The following PTPRN2 variants were observed in gnomAD, a reference collection of about 807,000 sequenced individuals.
The protein encoded by PTPRN2 is receptor-type tyrosine-protein phosphatase N2.
Under a neutral mutation model 118.8 loss-of-function variants are expected in PTPRN2, and 74 were observed. That is an observed-to-expected ratio of 0.62 (90% CI 0.52 to 0.76). PTPRN2 has a LOEUF of 0.76. Among genes scored for constraint, PTPRN2 ranks in the 30% least tolerant of loss-of-function variants. The pLI, the probability that PTPRN2 is intolerant of heterozygous loss-of-function variation, is 0.00. For synonymous variants in PTPRN2, 641 were observed against 608.0 expected (o/e 1.05, Z -0.80); for missense variants, 1,481 against 1,394.4 (o/e 1.06, Z -0.99).
At position 158,431,440 on chromosome 7, in the gene PTPRN2, A is replaced by T. The variant is rs1345352994; in HGVS notation, c.163+58295T>A. Among the ~76,000 whole-genome samples, 3 of 126,096 alleles carry T rather than the reference A, an allele frequency of 2.4e-5. No homozygotes were observed. In the East Asian group the frequency reaches 7.4e-4, roughly 31 times the overall value. 82.7% of individuals were successfully genotyped at this position (126,096 alleles called of 152,430 possible). ...CTGGGCACACTGGCTCACACCAGGC[A>T]CACACTGCCTCACACGACACACACT... On this transcript the variant is annotated intron_variant, in intron 2 of 22. Coordinates refer to ENST00000389418, the MANE Select transcript of PTPRN2 (RefSeq NM_002847.5).
intron 21 of PTPRN2, among the ~76,000 whole-genome samples, chr7:157,561,487 G>A (rs553329633): frequency 1.4e-4 from 22 of 152,360 alleles, no homozygotes; most frequent in South Asian, 1.2e-3. Flanking sequence ...GCCTCTGAGC[G>A]CCGTCCCTGG....
rs1044138043 is a variant in PTPRN2 at position 158,484,552 on chromosome 7, G to A, written c.163+5183C>T. Reference sequence around the variant, plus strand: ...TAATTTTTGTATTTTTAGTGGAGACGGGGTTTCACCATGTTGGCCAGGCTG... The same window carrying A: ...TAATTTTTGTATTTTTAGTGGAGACAGGGTTTCACCATGTTGGCCAGGCTG... On this transcript the variant is annotated intron_variant, in intron 2 of 22. Transcript: ENST00000389418. Among the ~76,000 whole-genome samples the A allele has an allele frequency of 3.3e-5, 5 of 152,244 alleles. No homozygotes were observed. In the East Asian group the frequency reaches 9.7e-4, roughly 29 times the overall value.
chr7:158,159,306 G>T (rs1270500264), intron 6 of PTPRN2, among the ~76,000 whole-genome samples: 2 of 152,256 alleles, frequency 1.3e-5, no homozygotes, highest in Non-Finnish European at 2.9e-5. Context: ...GCTTCCACAT[G>T]AGTTTCCGAG....
chr7:158,070,434 TG>T (rs1811169623), intron 11 of PTPRN2, among the ~76,000 whole-genome samples: 1 of 133,850 alleles, frequency 7.5e-6, no homozygotes, highest in Non-Finnish European at 1.5e-5. Context: ...GTGCTCGTGG[TG>T]GTGGAGGTGC....
intron 21 of PTPRN2, among the ~76,000 whole-genome samples, chr7:157,567,335 A>T (rs903052613): frequency 6.6e-6 from 1 of 152,248 alleles, no homozygotes; most frequent in Non-Finnish European, 1.5e-5. Context: ...TGGGTGTTTA[A>T]AATGACATTT....
At chr7:158,206,626 T>C in intron 3 of PTPRN2, among the ~76,000 whole-genome samples, 1 of 151,986 alleles carries the variant, frequency 6.6e-6, no homozygotes, top group East Asian at 1.9e-4. Flanking sequence ...AGAAAAAAAG[T>C]CTGCCTGGTA....
chr7:158,394,969 A>C (rs369877838), intron 2 of PTPRN2, among the ~76,000 whole-genome samples: 4 of 152,240 alleles, frequency 2.6e-5, no homozygotes, highest in Middle Eastern at 3.4e-3. Flanking sequence ...CCCAGCCAGC[A>C]CTCAGGAGGC....
chr7:158,085,378 ACATG>A (rs1288727110), intron 10 of PTPRN2, among the ~76,000 whole-genome samples: 1 of 89,896 alleles, frequency 1.1e-5, no homozygotes, highest in East Asian at 4.0e-4. Context: ...GCCCATCCAC[ACATG>A]CCCATCCACA....
intron 2 of PTPRN2, among the ~76,000 whole-genome samples, chr7:158,378,414 C>T (rs924330032): frequency 6.6e-6 from 1 of 152,186 alleles, no homozygotes; most frequent in Admixed American, 6.5e-5. Context: ...CACAGAAACA[C>T]AGCAATGGTT....
At chr7:158,458,764 C>T (rs998163559) in intron 2 of PTPRN2, among the ~76,000 whole-genome samples, 9 of 152,182 alleles carry the variant, frequency 5.9e-5, no homozygotes, top group Non-Finnish European at 4.4e-5. Context: ...GGGCGGGCTC[C>T]ACGCTGCCTA....
rs914803189 is a variant in PTPRN2, at chr7:157,784,145, G to C, written c.1789-101208C>G. 6.6e-6 allele frequency among the ~76,000 whole-genome samples: 1 copy of C among 152,172 alleles called. No individual in the cohort carries two copies. Among genetic ancestry groups the C allele is most frequent in the Non-Finnish European group, 1.5e-5 (1 of 68,036 alleles). ...CAGGGACTATTCCTAAATTCTGCTT[G>C]TGGGCAGGGCACAGGCAGCTCAACG... is the stretch of plus-strand genomic sequence containing the variant. On this transcript the variant is annotated intron_variant, in intron 12 of 22. Transcript: ENST00000389418. This position sits in a 1 kb window ranked among gnomAD's most constrained non-coding sequence, Gnocchi z 4.6.
intron 11 of PTPRN2, among the ~76,000 whole-genome samples, chr7:158,008,958 T>C (rs1006080779): frequency 1.3e-5 from 2 of 152,182 alleles, no homozygotes; most frequent in Non-Finnish European, 2.9e-5. Context: ...GGCTTTCTCC[T>C]TTCACCTTTG....
chr7:157,771,292 A>G (rs1802787554), intron 12 of PTPRN2, among the ~76,000 whole-genome samples: 1 of 152,260 alleles, frequency 6.6e-6, no homozygotes, highest in South Asian at 2.1e-4. Flanking sequence ...ATGCCTGACC[A>G]GATTATAGAG....
rs569721594 is a variant in PTPRN2, at chr7:157,622,862, C to T, written c.2197-1353G>A. Among the ~76,000 whole-genome samples, 4 of 152,294 alleles carry T rather than the reference C, an allele frequency of 2.6e-5. No homozygotes were observed. The highest frequency in any genetic ancestry group is 3.9e-4 in the East Asian group (2 of 5,172). ...CTCCAGTGCCGTTGAGAAGCCGCAC[C>T]GACTGCCTGCTCCACGCAGCGAACG... On this transcript the variant is annotated intron_variant, in intron 14 of 22. Coordinates refer to ENST00000389418, the MANE Select transcript of PTPRN2 (RefSeq NM_002847.5). This position sits in a 1 kb window ranked among gnomAD's most constrained non-coding sequence, Gnocchi z 5.3.
chr7:157,805,471 G>A (rs1805574069), intron 12 of PTPRN2, among the ~76,000 whole-genome samples: 1 of 152,130 alleles, frequency 6.6e-6, no homozygotes, highest in Non-Finnish European at 1.5e-5. Flanking sequence ...TCAGGGAGAT[G>A]GGAAAAGGAA....
intron 1 of PTPRN2, among the ~76,000 whole-genome samples, chr7:158,512,775 G>C (rs1473099270): frequency 6.6e-6 from 1 of 152,190 alleles, no homozygotes; most frequent in African/African-American, 2.4e-5. Flanking sequence ...GTGTCAGAAA[G>C]GAAGGAAGTG....
At chr7:157,942,353 G>A (rs144270137) in intron 11 of PTPRN2, among the ~76,000 whole-genome samples, 44 of 152,288 alleles carry the variant, frequency 2.9e-4, no homozygotes, top group African/African-American at 8.9e-4. Flanking sequence ...TTTTGCTCCC[G>A]CATCTGAGGG....
rs1363342554 is a variant in PTPRN2 at position 157,609,819 on chromosome 7, G to A, written c.2345-5744C>T. ...CAAAGCGTGTTCTTGCTGCCCCGTG[G>A]TGGCAGAACATATGGAGCGATTTTT... On this transcript the variant is annotated intron_variant, in intron 15 of 22. Coordinates refer to ENST00000389418, the MANE Select transcript of PTPRN2 (RefSeq NM_002847.5). This position sits in a 1 kb window ranked among gnomAD's most constrained non-coding sequence, Gnocchi z 4.9. Among the ~76,000 whole-genome samples the A allele has an allele frequency of 6.6e-6, 1 of 152,238 alleles. No homozygotes were observed. Among genetic ancestry groups the A allele is most frequent in the Non-Finnish European group, 1.5e-5 (1 of 68,044 alleles).
chr7:158,557,122 G>A (rs1176839604), intron 1 of PTPRN2, among the ~76,000 whole-genome samples: 11 of 133,164 alleles, frequency 8.3e-5, no homozygotes, highest in African/African-American at 2.0e-4. Flanking sequence ...GGTCGCTCCC[G>A]CGCAGGGCAG....
Sources: allele counts gnomAD v4.1 joint callset (sites outside exome capture counted in the v4.1 genomes callset), GRCh38; gene constraint gnomAD v4.1.1; non-coding constraint Gnocchi (gnomAD v3.1); transcripts MANE v1.5; gene names NCBI Gene and HGNC (gene_info 2026-07-23, HGNC 2026-07-21).